The following CFAP20DC variants were observed in gnomAD, a reference collection of about 807,000 sequenced individuals.
The protein encoded by CFAP20DC is protein CFAP20DC.
CFAP20DC carries 84 observed loss-of-function variants against 101.7 expected under a neutral mutation model. The observed-to-expected ratio is 0.83, with a 90% CI of 0.69 to 0.99. CFAP20DC has a LOEUF of 0.99. CFAP20DC is among the 50% of genes least tolerant of loss of function. CFAP20DC has a pLI of 0.00. For missense variants in CFAP20DC, 1,007 were observed against 970.3 expected (o/e 1.04, Z -0.50); for synonymous variants, 359 against 351.2 (o/e 1.02, Z -0.25).
chr3:59,017,315 T>G (rs1045369167), intron 4 of CFAP20DC: 1 of 152,106 alleles, frequency 6.6e-6, no homozygotes, highest in African/African-American at 2.4e-5. Flanking sequence ...CATGCCCAGC[T>G]GCATCACTGC....
At chr3:58,842,130 C>A (rs1470259860) in intron 13 of CFAP20DC, among the ~76,000 whole-genome samples, 1 of 152,218 alleles carries the variant, frequency 6.6e-6, no homozygotes, top group Non-Finnish European at 1.5e-5. Flanking sequence ...TTTCAGTAAG[C>A]ATTCCTTAAG....
chr3:58,759,439 T>C (rs1187909703), intron 15 of CFAP20DC, among the ~76,000 whole-genome samples: 2 of 152,202 alleles, frequency 1.3e-5, no homozygotes, highest in Non-Finnish European at 2.9e-5. Context: ...TATTAGCCCT[T>C]TGTCAGATGA....
At chr3:58,990,810 C>G (rs1475530441) in intron 4 of CFAP20DC, among the ~76,000 whole-genome samples, 1 of 145,150 alleles carries the variant, frequency 6.9e-6, no homozygotes, top group Non-Finnish European at 1.5e-5. Flanking sequence ...ATTCCAAAAT[C>G]TAAAAAAGTC....
At chr3:58,848,977 C>T (rs2077978820) in intron 13 of CFAP20DC, 55 bp downstream of exon 13, 12 of 1,495,198 alleles carry the variant, frequency 8.0e-6, no homozygotes, top group South Asian at 5.2e-5. Flanking sequence ...TGGAACAGAA[C>T]GGAACACAGC....
Position 59,047,212 on chromosome 3 carries a change from G to T in CFAP20DC, c.64C>A (p.Pro22Thr). 1.3e-6 allele frequency: 2 copies of T among 1,535,308 alleles called. No homozygotes were observed. The highest frequency in any genetic ancestry group is 1.7e-6 in the Non-Finnish European group (2 of 1,146,422). The change falls in exon 2 of 17, where the codon CCT becomes ACT. Residue 22 changes from proline (P) to threonine (T), a missense_variant. Physicochemically the swap from Pro to Thr is conservative, Grantham distance 38. Transcript: ENST00000482387. ...CCAAGGATCTTCCATTTTGCTCCAG[G>T]ATTTTTTCCTTGAGCACTGAAAATT... ...VEIFSAQGKN[P>T]GAKWKILGSP...
intron 4 of CFAP20DC, among the ~76,000 whole-genome samples, chr3:58,973,026 G>A (rs964569482): frequency 2.0e-5 from 3 of 152,144 alleles, no homozygotes; most frequent in Non-Finnish European, 4.4e-5. Flanking sequence ...ATTAAAATAT[G>A]CATTCAAATT....
chr3:58,761,883 T>G (rs1220827855), intron 15 of CFAP20DC, among the ~76,000 whole-genome samples: 2 of 152,194 alleles, frequency 1.3e-5, no homozygotes, highest in Non-Finnish European at 2.9e-5. Flanking sequence ...CTAGTTTGAT[T>G]GCACTGTGGT....
Position 59,014,924 on chromosome 3 carries a change from G to A in CFAP20DC, c.278+24633C>T, listed in dbSNP as rs2108907910. 6.6e-6 allele frequency among the ~76,000 whole-genome samples: 1 copy of A among 152,198 alleles called. No individual in the cohort carries two copies. Among genetic ancestry groups the A allele is most frequent in the South Asian group, 2.1e-4 (1 of 4,818 alleles). ...TTGGTAGCTTGAAAGCAGCCATGGT[G>A]GGAATATTTACACCACAGAAACTAG... On this transcript the variant is annotated intron_variant, in intron 4 of 16. Transcript: ENST00000482387. This position sits in a 1 kb window ranked among gnomAD's most constrained non-coding sequence, Gnocchi z 4.9.
At chr3:58,965,889 C>T (rs1251126351) in intron 4 of CFAP20DC, among the ~76,000 whole-genome samples, 4 of 152,180 alleles carry the variant, frequency 2.6e-5, no homozygotes, top group Non-Finnish European at 5.9e-5. Flanking sequence ...TTAGCTATTA[C>T]TGAATGTTAT....
intron 12 of CFAP20DC, among the ~76,000 whole-genome samples, chr3:58,850,546 CCAT>C (rs1250351326): frequency 1.3e-5 from 2 of 150,458 alleles, no homozygotes; most frequent in Non-Finnish European, 1.5e-5. Flanking sequence ...CAAGATCATG[CCAT>C]TGCACCCCAG....
At chr3:58,718,288 T>C (rs1167791415) in intron 3 of CFAP20DC, among the ~76,000 whole-genome samples, 2 of 152,200 alleles carry the variant, frequency 1.3e-5, no homozygotes, top group East Asian at 3.8e-4. Flanking sequence ...CTCATTTCAG[T>C]TTAAGTATCC....
chr3:58,936,868 A>T (rs2087728322), intron 5 of CFAP20DC, among the ~76,000 whole-genome samples: 1 of 152,080 alleles, frequency 6.6e-6, no homozygotes, highest in Non-Finnish European at 1.5e-5. Flanking sequence ...GCACATGTAT[A>T]CATATGTAAC....
intron 14 of CFAP20DC, among the ~76,000 whole-genome samples, chr3:58,812,253 C>T (rs1249210736): frequency 1.3e-5 from 2 of 152,060 alleles, no homozygotes; most frequent in African/African-American, 2.4e-5. Flanking sequence ...GACACATGCA[C>T]ACGTATGTTT....
chr3:58,741,987 AAAG>A (rs1337586498), downstream of CFAP20DC: 3 of 732,634 alleles, frequency 4.1e-6, no homozygotes, highest in African/African-American at 5.7e-5. Context: ...GGGTGAATGA[AAAG>A]AAGCAGTTTA....
At chr3:58,888,176 C>A (rs1005824475) in intron 6 of CFAP20DC, among the ~76,000 whole-genome samples, 11 of 152,214 alleles carry the variant, frequency 7.2e-5, no homozygotes, top group Non-Finnish European at 1.5e-4. Flanking sequence ...ATAGACCCTA[C>A]ATAAACATTA....
intron 4 of CFAP20DC, among the ~76,000 whole-genome samples, chr3:58,966,243 G>A (rs1023115501): frequency 6.6e-6 from 1 of 152,136 alleles, no homozygotes; most frequent in African/African-American, 2.4e-5. Context: ...CTTAAAGCCA[G>A]GGAATGGCCC....
At chr3:58,783,874 T>A (rs1035120035) in intron 15 of CFAP20DC, among the ~76,000 whole-genome samples, 1 of 152,026 alleles carries the variant, frequency 6.6e-6, no homozygotes, top group African/African-American at 2.4e-5. Context: ...TTATTTTAGA[T>A]TCAGGGGATA....
intron 14 of CFAP20DC, among the ~76,000 whole-genome samples, chr3:58,815,880 G>A (rs1559635835): frequency 1.3e-5 from 2 of 151,254 alleles, no homozygotes; most frequent in Non-Finnish European, 2.9e-5. Flanking sequence ...GAGAGGATGT[G>A]GAGAAATAGG....
At chr3:58,949,320 T>C (rs899018228) in intron 4 of CFAP20DC, among the ~76,000 whole-genome samples, 25 of 152,228 alleles carry the variant, frequency 1.6e-4, no homozygotes, top group African/African-American at 6.0e-4. Flanking sequence ...TCTTGCCTTC[T>C]GCTGGCTTTT....
Sources: gnomAD v4.1 joint callset for allele counts (sites outside exome capture counted in the v4.1 genomes callset) on GRCh38, gnomAD v4.1.1 for gene constraint, Gnocchi (gnomAD v3.1) non-coding constraint, MANE v1.5 for transcripts, NCBI Gene and HGNC (gene_info 2026-07-23, HGNC 2026-07-21) for gene names.